UBXN7: variants seen among roughly 807,000 people sequenced by gnomAD.
The protein encoded by UBXN7 is UBX domain-containing protein 7.
Under a neutral mutation model 58.0 loss-of-function variants are expected in UBXN7, and 9 were observed. The ratio of observed to expected loss-of-function variants is 0.16; its 90% CI spans 0.09 to 0.27. The LOEUF is 0.27. Among genes scored for constraint, UBXN7 ranks in the 10% least tolerant of loss-of-function variants. UBXN7 has a pLI of 1.00. For synonymous variants in UBXN7, 208 were observed against 205.0 expected (o/e 1.01, Z -0.12); for missense variants, 328 against 599.6 (o/e 0.55, Z 4.73).
rs113836610 is a variant in UBXN7, at chr3:196,413,251, C to T, written c.74-5858G>A. The stretch of plus-strand genomic sequence containing the variant: ...TACTGGGCAGGCTGAGGGAGGAGAA[C>T]CGCTTGAACCCAGGAGGCAGAGGTT... On this transcript the variant is annotated intron_variant, in intron 1 of 10. Transcript: ENST00000296328. 4.2e-3 allele frequency among the ~76,000 whole-genome samples: 639 copies of T among 152,126 alleles called. 5 individuals carry two copies. The highest frequency in any genetic ancestry group is 0.014 in the African/African-American group (593 of 41,504).
rs887577538 is a variant in UBXN7, at chr3:196,426,148, C to T, written c.73+6179G>A. On this transcript the variant is annotated intron_variant, in intron 1 of 10. Coordinates refer to ENST00000296328, the MANE Select transcript of UBXN7 (RefSeq NM_015562.2). Reference sequence around the variant, plus strand: ...CCTGTAATCCCAGCGCTTTGGGAGGCTGAGGTGGGTGGATCACCTGAGGTC... The same window carrying T: ...CCTGTAATCCCAGCGCTTTGGGAGGTTGAGGTGGGTGGATCACCTGAGGTC... Among the ~76,000 whole-genome samples the T allele has an allele frequency of 2.6e-5, 4 of 151,974 alleles. No homozygotes were observed. In the South Asian group the frequency reaches 8.3e-4, roughly 31 times the overall value.
chr3:196,410,380 T>C (rs534429032), intron 1 of UBXN7, among the ~76,000 whole-genome samples: 2 of 152,226 alleles, frequency 1.3e-5, no homozygotes, highest in Non-Finnish European at 2.9e-5. Flanking sequence ...ATTTGTTTTC[T>C]CTTCTGTACT....
rs1410982970 is a variant in UBXN7 at position 196,355,768 on chromosome 3, A to C, written c.*917T>G. ...CAATAACCATAGTGGTTACAATTCC[A>C]AGCCATTGTACTACATGATTATTGA... is the stretch of plus-strand genomic sequence containing the variant. On this transcript the variant is annotated 3_prime_UTR_variant, in exon 11 of 11. Coordinates refer to ENST00000296328, the MANE Select transcript of UBXN7 (RefSeq NM_015562.2). The C allele has an allele frequency of 6.6e-6, 1 of 152,238 alleles. No individual in the cohort carries two copies. Among genetic ancestry groups the C allele is most frequent in the African/African-American group, 2.4e-5 (1 of 41,448 alleles). The allele number at this position is 152,238 out of a possible 1,614,324, so 9.4% of individuals were successfully genotyped here.
At chr3:196,375,038 G>GGAAA in intron 5 of UBXN7, among the ~76,000 whole-genome samples, 1 of 147,236 alleles carries the variant, frequency 6.8e-6, no homozygotes, top group Non-Finnish European at 1.5e-5. Flanking sequence ...AAGGAAGGAA[G>GGAAA]GAAGGGAAAG....
chr3:196,422,364 C>G (rs1730716124), intron 1 of UBXN7, among the ~76,000 whole-genome samples: 1 of 151,788 alleles, frequency 6.6e-6, no homozygotes. Context: ...GCCTGTAGTC[C>G]CAGCTACTCA....
In UBXN7 at chr3:196,432,027, C is replaced by T. The variant is rs1007664922; in HGVS notation, c.73+300G>A. The stretch of plus-strand genomic sequence containing the variant: ...CCCCCTACTCCTCCCGCCCCCGGGT[C>T]CCCGGGCCGGCGGGGGCGGACGGAC... On this transcript the variant is annotated intron_variant, in intron 1 of 10. Transcript: ENST00000296328. 2.2e-5 allele frequency: 12 copies of T among 541,504 alleles called. No homozygotes were observed. The African/African-American group carries it at 2.3e-4, about 10-fold the overall frequency. 33.5% of individuals were successfully genotyped at this position (541,504 alleles called of 1,614,324 possible).
At chr3:196,403,163 T>G (rs952189443) in intron 2 of UBXN7, 144 bp from the exon 3 acceptor site, 13 of 843,640 alleles carry the variant, frequency 1.5e-5, no homozygotes, top group African/African-American at 1.4e-4. Context: ...GCTATTTTTT[T>G]GGGGGGGCGG....
chr3:196,428,901 G>A (rs1199362908), intron 1 of UBXN7, among the ~76,000 whole-genome samples: 4 of 151,352 alleles, frequency 2.6e-5, no homozygotes, highest in Non-Finnish European at 2.9e-5. Context: ...ACCAGGCACA[G>A]TGATGTGCAC....
In UBXN7 at chr3:196,393,638, GA is replaced by G; in HGVS notation, c.290-20del. ...TTAGGAGCTTTGGGGAGAAAAAATAGAATTGAAAATTTTTTAAATTAATTTT... is the reference window on the plus strand; with the variant it reads ...TTAGGAGCTTTGGGGAGAAAAAATAGATTGAAAATTTTTTAAATTAATTTT... On this transcript the variant is annotated intron_variant, in intron 3 of 10. Transcript: ENST00000296328. The G allele has an allele frequency of 6.3e-7, 1 of 1,592,518 alleles. No individual in the cohort carries two copies. Among genetic ancestry groups the G allele is most frequent in the Non-Finnish European group, 8.5e-7 (1 of 1,172,858 alleles).
chr3:196,430,311 T>C (rs1730986329), intron 1 of UBXN7, among the ~76,000 whole-genome samples: 1 of 151,674 alleles, frequency 6.6e-6, no homozygotes, highest in Admixed American at 6.6e-5. Context: ...GCCAAGATCG[T>C]GCCTGGGAGA....
At chr3:196,371,768 C>T (rs1728839376) in intron 6 of UBXN7, 128 bp downstream of exon 6, 4 of 1,203,122 alleles carry the variant, frequency 3.3e-6, no homozygotes. Flanking sequence ...TAGGCGTGAG[C>T]TACTGCCCCC....
At chr3:196,373,719 T>C (rs1023748407) in intron 5 of UBXN7, among the ~76,000 whole-genome samples, 5 of 152,020 alleles carry the variant, frequency 3.3e-5, no homozygotes, top group African/African-American at 1.2e-4. Flanking sequence ...ATTTTCTTTT[T>C]TTGTTGTTTA....
chr3:196,400,755 AAG>A (rs1004840775), intron 3 of UBXN7: 1 of 372,236 alleles, frequency 2.7e-6, no homozygotes, highest in African/African-American at 2.2e-5. Flanking sequence ...AGAAAAAAAA[AAG>A]AGTAAAGTGG....
chr3:196,398,169 T>A (rs866482430), intron 3 of UBXN7, among the ~76,000 whole-genome samples: 4 of 152,240 alleles, frequency 2.6e-5, no homozygotes, highest in African/African-American at 9.6e-5. Flanking sequence ...AATAGCCACA[T>A]GAATGAGTTT....
intron 1 of UBXN7, among the ~76,000 whole-genome samples, chr3:196,416,867 G>C (rs1467947218): frequency 3.3e-5 from 5 of 152,122 alleles, no homozygotes; most frequent in Non-Finnish European, 7.4e-5. Flanking sequence ...AGAGGAAAAG[G>C]GTGTTGATTT....
rs757124193 is a variant in UBXN7 at position 196,362,630 on chromosome 3, A to G, written c.892T>C (p.Leu298=). Residue 298 remains leucine (L), a synonymous_variant, in exon 9 of 11, where the codon TTA becomes CTA. Coordinates refer to ENST00000296328, the MANE Select transcript of UBXN7 (RefSeq NM_015562.2). ...SQLEAAIRAS[L]QETHFDSTQT... ...GTTGAATCAAAATGTGTTTCTTGTAAGGAGGCTCTGATGGCAGCTTCTAGC... is the reference window on the plus strand; with the variant it reads ...GTTGAATCAAAATGTGTTTCTTGTAGGGAGGCTCTGATGGCAGCTTCTAGC... 6.2e-7 allele frequency: 1 copy of G among 1,613,744 alleles called. No homozygotes were observed. Among genetic ancestry groups the G allele is most frequent in the Middle Eastern group, 1.7e-4 (1 of 6,058 alleles).
chr3:196,413,159 G>A (rs1003338718), intron 1 of UBXN7, among the ~76,000 whole-genome samples: 5 of 152,042 alleles, frequency 3.3e-5, no homozygotes, highest in South Asian at 2.1e-4. Context: ...CCAACATGGT[G>A]AAACCCCGTC....
intron 8 of UBXN7, 48 bp downstream of exon 8, chr3:196,367,980 T>C: frequency 6.3e-7 from 1 of 1,594,434 alleles, no homozygotes; most frequent in Non-Finnish European, 8.5e-7. Context: ...AAGATGCTTA[T>C]GACCAATTAC....
intron 1 of UBXN7, among the ~76,000 whole-genome samples, chr3:196,407,795 T>C (rs1730207097): frequency 6.6e-6 from 1 of 152,100 alleles, no homozygotes; most frequent in Admixed American, 6.6e-5. Context: ...AGCATTTCTG[T>C]TTCTGTTAAA....
Sources: gnomAD v4.1 joint callset for allele counts (sites outside exome capture counted in the v4.1 genomes callset) on GRCh38, gnomAD v4.1.1 for gene constraint, MANE v1.5 for transcripts, NCBI Gene and HGNC (gene_info 2026-07-23, HGNC 2026-07-21) for gene names.